The following ACSS3 variants were observed in gnomAD, a reference collection of about 807,000 sequenced individuals.
ACSS3 encodes the protein acyl-CoA synthetase short-chain family member 3, mitochondrial.
Under a neutral mutation model 84.2 loss-of-function variants are expected in ACSS3, and 64 were observed. The observed-to-expected ratio is 0.76, with a 90% CI of 0.62 to 0.94. The LOEUF (loss-of-function observed/expected upper bound fraction) is 0.94, where lower values mean the gene tolerates loss of function less well. Ranked by LOEUF, ACSS3 falls within the 40% of genes least tolerant of loss-of-function variation. The pLI is 0.00. For synonymous variants in ACSS3, 317 were observed against 310.1 expected, an observed-to-expected ratio of 1.02 and a Z score of -0.23; for missense variants, 815 against 867.6, an observed-to-expected ratio of 0.94 and a Z score of 0.76.
intron 2 of ACSS3, among the ~76,000 whole-genome samples, chr12:81,124,805 A>G (rs1884935869): frequency 6.6e-6 from 1 of 152,134 alleles, no homozygotes; most frequent in Admixed American, 6.5e-5. Context: ...CCTCCTTTTA[A>G]AATAGAAGGT....
chr12:81,161,724 A>C (rs1386681762), intron 7 of ACSS3, among the ~76,000 whole-genome samples: 1 of 152,136 alleles, frequency 6.6e-6, no homozygotes, highest in Non-Finnish European at 1.5e-5. Flanking sequence ...TTGTCCTGGC[A>C]GGCTGTGCTC....
Position 81,104,333 on chromosome 12 carries a change from C to G in ACSS3, c.312-5227C>G, listed in dbSNP as rs961897374. ...TGTGACTACAGAACCAAGAAAGGGA[C>G]AGCATGGCAAGACAGAAAACTTTTA... On this transcript the variant is annotated intron_variant, in intron 1 of 15. Transcript: ENST00000548058. 3.9e-5 allele frequency among the ~76,000 whole-genome samples: 6 copies of G among 152,196 alleles called. No individual in the cohort carries two copies. The South Asian group carries it at 1.0e-3, about 26-fold the overall frequency.
intron 10 of ACSS3, among the ~76,000 whole-genome samples, chr12:81,219,479 T>G (rs1386018801): frequency 6.6e-6 from 1 of 152,250 alleles, no homozygotes; most frequent in South Asian, 2.1e-4. Flanking sequence ...AGCTTTAATC[T>G]CCTAAACTCT....
At chr12:81,186,443 T>G (rs765155178) in intron 8 of ACSS3, among the ~76,000 whole-genome samples, 20 of 151,764 alleles carry the variant, frequency 1.3e-4, no homozygotes, top group Non-Finnish European at 2.2e-4. Context: ...GGGAAAGATA[T>G]TCACAACTCA....
intron 1 of ACSS3, among the ~76,000 whole-genome samples, chr12:81,086,433 G>A (rs988235893): frequency 1.4e-4 from 22 of 152,226 alleles, no homozygotes; most frequent in African/African-American, 4.3e-4. Flanking sequence ...GTACTGTGCC[G>A]TATCTAATTT....
intron 12 of ACSS3, among the ~76,000 whole-genome samples, chr12:81,231,339 C>T (rs1286798245): frequency 6.6e-6 from 1 of 151,776 alleles, no homozygotes; most frequent in East Asian, 1.9e-4. Context: ...TTGTCAGTCT[C>T]TAGACATAGA....
upstream of ACSS3, chr12:81,077,889 C>A (rs1479845749): frequency 2.0e-5 from 10 of 490,846 alleles, no homozygotes; most frequent in Non-Finnish European, 2.8e-5. Context: ...GCGCAACTAA[C>A]CTGCTGCAAC....
chr12:81,255,115 T>C lies in ACSS3; in HGVS notation c.*193T>C. The C allele has an allele frequency of 2.0e-6, 1 of 503,080 alleles. No homozygotes were observed. The highest frequency in any genetic ancestry group is 3.4e-6 in the Non-Finnish European group (1 of 289,928). The allele number at this position is 503,080 out of a possible 1,614,324, so 31.2% of individuals were successfully genotyped here. On this transcript the variant is annotated 3_prime_UTR_variant, in exon 16 of 16. Coordinates refer to ENST00000548058, the MANE Select transcript of ACSS3 (RefSeq NM_024560.4). ...TGCCTTTTTTTTGGTTTGACCCTGT[T>C]AGCATTGTTATTAGTTATCTATAAC...
chr12:81,231,037 C>T lies in ACSS3; in HGVS notation c.1515-20C>T, dbSNP rs990388620. 1 of 1,577,994 alleles carries T rather than the reference C, an allele frequency of 6.3e-7. No individual in the cohort carries two copies. On this transcript the variant is annotated intron_variant, in intron 11 of 15. Coordinates refer to ENST00000548058, the MANE Select transcript of ACSS3 (RefSeq NM_024560.4). The stretch of plus-strand genomic sequence containing the variant: ...ATTACCACTTTCATCATAATTTTAA[C>T]TTCTCTGTTTTTATATAAGGTTACC...
chr12:81,125,647 A>C (rs1885039074), intron 2 of ACSS3: 1 of 149,754 alleles, frequency 6.7e-6, no homozygotes, highest in South Asian at 2.1e-4. Flanking sequence ...TATCTGCGCC[A>C]ATGGCCTTTT....
Position 81,233,441 on chromosome 12 carries a change from T to A in ACSS3, c.1689T>A (p.Gly563=). The change falls in exon 13 of 16, where the codon GGT becomes GGA. Residue 563 remains glycine (G), a synonymous_variant. Transcript: ENST00000548058. ...TGGATGATGTAATAAATGTTGCAGG[T>A]CACAGAATTTCTGCAGGCGCCATTG... The part of the protein sequence containing the change: ...SRVDDVINVA[G]HRISAGAIEE... 1 of 1,611,046 alleles carries A rather than the reference T, an allele frequency of 6.2e-7. No homozygotes were observed. The highest frequency in any genetic ancestry group is 1.7e-5 in the Admixed American group (1 of 59,778).
chr12:81,244,021 C>T (rs571406310), intron 13 of ACSS3, among the ~76,000 whole-genome samples: 7 of 152,236 alleles, frequency 4.6e-5, no homozygotes, highest in South Asian at 2.1e-4. Context: ...AGCAGGTCTA[C>T]GGGCAACACA....
chr12:81,228,092 G>T (rs2135963130), intron 11 of ACSS3, among the ~76,000 whole-genome samples: 1 of 151,926 alleles, frequency 6.6e-6, no homozygotes, highest in South Asian at 2.1e-4. Flanking sequence ...CTTTTGATAT[G>T]ATTAGGATGA....
chr12:81,109,642 A>G lies in ACSS3; in HGVS notation c.394A>G (p.Ile132Val), dbSNP rs145208016. ...TGGTAAAGGGGATAAGATTGCTATCATCTATGACAGTCCTGTTACAAACAC... is the reference window on the plus strand; with the variant it reads ...TGGTAAAGGGGATAAGATTGCTATCGTCTATGACAGTCCTGTTACAAACAC... ...ENGKGDKIAI[I>V]YDSPVTNTKA... Residue 132 changes from isoleucine to valine, a missense_variant, in exon 2 of 16, where the codon ATC becomes GTC. Ile to Val is a conservative substitution (Grantham distance 29, BLOSUM62 3). Coordinates refer to ENST00000548058, the MANE Select transcript of ACSS3 (RefSeq NM_024560.4). 15 of 1,612,444 alleles carry G rather than the reference A, an allele frequency of 9.3e-6. No individual in the cohort carries two copies. The East Asian group carries it at 3.1e-4, about 34-fold the overall frequency.
intron 2 of ACSS3, among the ~76,000 whole-genome samples, chr12:81,118,754 C>T (rs1340316562): frequency 6.6e-6 from 1 of 152,176 alleles, no homozygotes; most frequent in Non-Finnish European, 1.5e-5. Context: ...AGGTATTCCT[C>T]AGACACATAC....
At chr12:81,182,024 A>G (rs1349121292) in intron 8 of ACSS3, among the ~76,000 whole-genome samples, 1 of 152,172 alleles carries the variant, frequency 6.6e-6, no homozygotes, top group Non-Finnish European at 1.5e-5. Context: ...TCTGAAAACT[A>G]AGTCTTGGGA....
intron 1 of ACSS3, among the ~76,000 whole-genome samples, chr12:81,098,487 A>T (rs748231455): frequency 2.2e-4 from 33 of 152,184 alleles, no homozygotes; most frequent in South Asian, 1.7e-3. Context: ...GTTTCCTTGT[A>T]TGTCATTTTG....
Position 81,258,213 on chromosome 12 carries a change from T to G in ACSS3, c.*3291T>G, listed in dbSNP as rs1452888896. ...CCAAAGAACACATTTCCTGATAGTT[T>G]AAGTAAATTGTCGAGCCTTATGTGA... On this transcript the variant is annotated 3_prime_UTR_variant, in exon 16 of 16. Coordinates refer to ENST00000548058, the MANE Select transcript of ACSS3 (RefSeq NM_024560.4). 2 of 152,166 alleles carry G rather than the reference T, an allele frequency of 1.3e-5. No individual in the cohort carries two copies. The highest frequency in any genetic ancestry group is 4.8e-5 in the African/African-American group (2 of 41,452). The allele number at this position is 152,166 out of a possible 1,614,324, so 9.4% of individuals were successfully genotyped here.
intron 13 of ACSS3, among the ~76,000 whole-genome samples, chr12:81,240,526 A>G (rs984839268): frequency 6.6e-5 from 10 of 152,050 alleles, no homozygotes; most frequent in African/African-American, 2.4e-4. Context: ...TGGTATATTT[A>G]GATCATTGAT....
Sources: allele counts gnomAD v4.1 joint callset (sites outside exome capture counted in the v4.1 genomes callset), GRCh38; gene constraint gnomAD v4.1.1; transcripts MANE v1.5; gene names NCBI Gene and HGNC (gene_info 2026-07-23, HGNC 2026-07-21).